The following EEFSEC variants were observed in gnomAD, a reference collection of about 807,000 sequenced individuals.
EEFSEC encodes selenocysteine-specific elongation factor.
Under a neutral mutation model 42.1 loss-of-function variants are expected in EEFSEC, and 43 were observed. That is an observed-to-expected ratio of 1.02 (90% CI 0.80 to 1.32). EEFSEC has a LOEUF of 1.32. Among genes scored for constraint, EEFSEC ranks in the 40% most tolerant of loss-of-function variants. The probability of loss-of-function intolerance (pLI) is 0.00; values close to 1 mark genes in which losing one functional copy is unlikely to be tolerated. For missense variants in EEFSEC, 745 were observed against 803.6 expected, an observed-to-expected ratio of 0.93 and a Z score of 0.88; for synonymous variants, 354 against 339.1, an observed-to-expected ratio of 1.04 and a Z score of -0.48.
At chr3:128,192,361 T>G (rs1306267860) in intron 1 of EEFSEC, among the ~76,000 whole-genome samples, 2 of 152,176 alleles carry the variant, frequency 1.3e-5, no homozygotes, top group African/African-American at 4.8e-5. Context: ...TTAGAGACCA[T>G]GGTGGCTGCA....
intron 4 of EEFSEC, among the ~76,000 whole-genome samples, chr3:128,327,848 TG>T (rs748011377): frequency 3.6e-4 from 55 of 152,226 alleles, no homozygotes; most frequent in Admixed American, 2.9e-3. Flanking sequence ...GCGGCTGCTA[TG>T]GGTGTCTGAG....
chr3:128,315,410 G>A (rs2066933848), intron 4 of EEFSEC, among the ~76,000 whole-genome samples: 2 of 152,210 alleles, frequency 1.3e-5, no homozygotes, highest in Admixed American at 6.5e-5. Context: ...ATCATGGGCA[G>A]TAGGACCCTC....
At chr3:128,351,373 C>T (rs948535755) in intron 5 of EEFSEC, among the ~76,000 whole-genome samples, 1 of 152,206 alleles carries the variant, frequency 6.6e-6, no homozygotes, top group Admixed American at 6.5e-5. Flanking sequence ...AACATCAACA[C>T]CCCTGATCCT....
At chr3:128,416,433 G>C in the EEFSEC span, among the ~76,000 whole-genome samples, 1 of 152,196 alleles carries the variant, frequency 6.6e-6, no homozygotes, top group Non-Finnish European at 1.5e-5. Flanking sequence ...TCGCACACCA[G>C]GCCCTGTCCC....
At chr3:128,403,016 A>G (rs376562819) in intron 6 of EEFSEC, among the ~76,000 whole-genome samples, 41 of 152,272 alleles carry the variant, frequency 2.7e-4, no homozygotes, top group African/African-American at 9.4e-4. Context: ...GATAAGAGCT[A>G]TAGGAAAAAT....
chr3:128,337,910 G>A (rs1194036734), intron 4 of EEFSEC, among the ~76,000 whole-genome samples: 1 of 152,214 alleles, frequency 6.6e-6, no homozygotes, highest in Non-Finnish European at 1.5e-5. Flanking sequence ...TCAACTCCAG[G>A]AACTGTGTCC....
At chr3:128,420,154 CAGAG>C in the EEFSEC span, among the ~76,000 whole-genome samples, 2 of 152,194 alleles carry the variant, frequency 1.3e-5, no homozygotes, top group Non-Finnish European at 2.9e-5. Flanking sequence ...GACAGAGAGT[CAGAG>C]AGGCCCCGCG....
chr3:128,185,113 G>GT (rs902065589), intron 1 of EEFSEC, among the ~76,000 whole-genome samples: 2 of 148,388 alleles, frequency 1.3e-5, no homozygotes, highest in African/African-American at 2.4e-5. Flanking sequence ...ACTGAAAGCA[G>GT]TTTTTTGGAG....
At chr3:128,168,031 G>T (rs796677170) in intron 1 of EEFSEC, among the ~76,000 whole-genome samples, 40 of 152,320 alleles carry the variant, frequency 2.6e-4, no homozygotes, top group African/African-American at 9.4e-4. Flanking sequence ...CTTTCAAAGA[G>T]CATTGTCTAG....
intron 5 of EEFSEC, among the ~76,000 whole-genome samples, chr3:128,354,034 C>T (rs2107582975): frequency 6.6e-6 from 1 of 152,224 alleles, no homozygotes; most frequent in Non-Finnish European, 1.5e-5. Flanking sequence ...GCAGCCATGC[C>T]CAGAGTGCCA....
intron 6 of EEFSEC, among the ~76,000 whole-genome samples, chr3:128,401,751 GGAGGCAGC>G (rs2068050345): frequency 6.6e-6 from 1 of 152,200 alleles, no homozygotes; most frequent in Non-Finnish European, 1.5e-5. Context: ...GGATGAGGGA[GGAGGCAGC>G]GAGGCAGGGC....
chr3:128,187,499 T>A (rs1026592960), intron 1 of EEFSEC, among the ~76,000 whole-genome samples: 5 of 152,194 alleles, frequency 3.3e-5, no homozygotes, highest in Non-Finnish European at 7.4e-5. Flanking sequence ...GAAAAAAAAA[T>A]TCTTCATCAA....
At chr3:128,311,181 A>T (rs1318988203) in intron 4 of EEFSEC, among the ~76,000 whole-genome samples, 1 of 152,248 alleles carries the variant, frequency 6.6e-6, no homozygotes, top group Non-Finnish European at 1.5e-5. Context: ...TGGTCTCCTC[A>T]TTCATTGAAA....
At chr3:128,290,757 T>A (rs114082172) in intron 4 of EEFSEC, among the ~76,000 whole-genome samples, 1 of 152,118 alleles carries the variant, frequency 6.6e-6, no homozygotes, top group Non-Finnish European at 1.5e-5. Flanking sequence ...GTTTGTTTGT[T>A]TGTTTTTTGA....
chr3:128,203,054 G>A (rs1272866289), intron 1 of EEFSEC, among the ~76,000 whole-genome samples: 1 of 152,070 alleles, frequency 6.6e-6, no homozygotes, highest in Admixed American at 6.6e-5. Context: ...GTTTTAACAT[G>A]TTCATGTAGA....
the EEFSEC span, among the ~76,000 whole-genome samples, chr3:128,422,300 G>C: frequency 1.3e-5 from 2 of 152,232 alleles, no homozygotes; most frequent in African/African-American, 4.8e-5. Context: ...TCCTGCATAC[G>C]TTCAGGAGTG....
intron 5 of EEFSEC, among the ~76,000 whole-genome samples, chr3:128,353,365 G>A (rs375240170): frequency 1.4e-3 from 218 of 152,314 alleles, no homozygotes; most frequent in Admixed American, 3.5e-3. Context: ...GGCAGGGGCT[G>A]ACTGGGCTGG....
intron 4 of EEFSEC, among the ~76,000 whole-genome samples, chr3:128,301,255 G>A (rs76231631): frequency 0.015 from 2,262 of 152,244 alleles, 58 homozygotes; most frequent in African/African-American, 0.05. Context: ...GGGAGGCCCC[G>A]CAGCTGCACC....
At chr3:128,400,524 C>T (rs983986389) in intron 6 of EEFSEC, among the ~76,000 whole-genome samples, 1 of 152,234 alleles carries the variant, frequency 6.6e-6, no homozygotes, top group Non-Finnish European at 1.5e-5. Flanking sequence ...CTGGCTCTGG[C>T]TCTCTTCCAA....
Sources: gnomAD v4.1 joint callset for allele counts (sites outside exome capture counted in the v4.1 genomes callset) on GRCh38, gnomAD v4.1.1 for gene constraint, MANE v1.5 for transcripts, NCBI Gene and HGNC (gene_info 2026-07-23, HGNC 2026-07-21) for gene names.